Variants in TAT observed in about 807,000 individuals in gnomAD.
The protein encoded by TAT is tyrosine aminotransferase.
A neutral mutation model predicts 53.6 loss-of-function variants in TAT; 35 were observed. That is an observed-to-expected ratio of 0.65 (90% CI 0.50 to 0.87). The LOEUF (loss-of-function observed/expected upper bound fraction) is 0.87, where lower values mean the gene tolerates loss of function less well. TAT is among the 40% of genes least tolerant of loss of function. The probability of loss-of-function intolerance (pLI) is 0.00; values close to 1 mark genes in which losing one functional copy is unlikely to be tolerated. For synonymous variants in TAT, 197 were observed against 206.5 expected (o/e 0.95, Z 0.39); for missense variants, 525 against 571.8 (o/e 0.92, Z 0.83).
intron 10 of TAT, among the ~76,000 whole-genome samples, chr16:71,569,355 C>A (rs920981780): frequency 6.8e-6 from 1 of 146,878 alleles, no homozygotes; most frequent in African/African-American, 2.5e-5. Context: ...TTTTTCTTTT[C>A]GGATGGGGTC....
intron 8 of TAT, 120 bp downstream of exon 8, chr16:71,570,559 C>T: frequency 6.4e-7 from 1 of 1,567,874 alleles, no homozygotes; most frequent in Non-Finnish European, 8.7e-7. Flanking sequence ...CCAGCTCTGC[C>T]ACACACATGC....
At chr16:71,568,384 C>A (rs1305385216) in intron 11 of TAT, 100 bp from the exon 12 acceptor site, 6 of 1,138,288 alleles carry the variant, frequency 5.3e-6, no homozygotes, top group Non-Finnish European at 7.7e-6. Flanking sequence ...GGTACCATTT[C>A]ATCAGGGCCA....
In TAT at chr16:71,575,909, A is replaced by G. The variant is rs776443788; in HGVS notation, c.340+13T>C. 1.2e-5 allele frequency: 19 copies of G among 1,612,928 alleles called. No homozygotes were observed. In the South Asian group the frequency reaches 2.1e-4, roughly 18 times the overall value. ...TGGCAGTCACCAGGTATGGAGTCTC[A>G]GGAGGAGCTTACCGATGGATGGGGC... On this transcript the variant is annotated intron_variant, in intron 3 of 11. Coordinates refer to ENST00000355962, the MANE Select transcript of TAT (RefSeq NM_000353.3).
chr16:71,571,977 G>A lies in TAT; in HGVS notation c.706+209C>T, dbSNP rs2044206317. On this transcript the variant is annotated intron_variant, in intron 6 of 11. Transcript: ENST00000355962. ...GCAAGTACTATTTCTTTTTCTCCTG[G>A]GAGTGATGAAGAGACAAGTATTTCT... The A allele has an allele frequency of 6.1e-6, 4 of 655,502 alleles. No individual in the cohort carries two copies. In the Admixed American group the frequency reaches 1.1e-4, roughly 18 times the overall value. 40.6% of individuals were successfully genotyped at this position (655,502 alleles called of 1,614,324 possible).
At chr16:71,571,574 T>G in intron 7 of TAT, 32 bp downstream of exon 7, 1 of 1,588,532 alleles carries the variant, frequency 6.3e-7, no homozygotes, top group Non-Finnish European at 8.6e-7. Context: ...AATTTGAGAT[T>G]ACTGTAGTGA....
At position 71,566,852 on chromosome 16, in the gene TAT, C is replaced by A; in HGVS notation, c.*1292G>T. 2 of 147,900 alleles carry A rather than the reference C, an allele frequency of 1.4e-5. No homozygotes were observed. Among genetic ancestry groups the A allele is most frequent in the African/African-American group, 5.0e-5 (2 of 39,962 alleles). The allele number at this position is 147,900 out of a possible 1,614,324, so 9.2% of individuals were successfully genotyped here. On this transcript the variant is annotated 3_prime_UTR_variant, in exon 12 of 12. Coordinates refer to ENST00000355962, the MANE Select transcript of TAT (RefSeq NM_000353.3). ...AAAAACACATCACAGAAGAGCCATA[C>A]TTGGTGAAATTTATTAAAAAAAAAA... is the stretch of plus-strand genomic sequence containing the variant.
intron 3 of TAT, chr16:71,575,232 T>A (rs2044227330): frequency 1.3e-5 from 2 of 152,346 alleles, no homozygotes; most frequent in Non-Finnish European, 2.9e-5. Flanking sequence ...GCATTAAGAA[T>A]GTGTTTCTAT....
chr16:71,570,256 G>C lies in TAT; in HGVS notation c.1041+13C>G, dbSNP rs1261948067. On this transcript the variant is annotated intron_variant, in intron 9 of 11. Coordinates refer to ENST00000355962, the MANE Select transcript of TAT (RefSeq NM_000353.3). ...CCCAAACTCCCAAAGTGGAGGGCAG[G>C]AGCTGCCCTTACCTTGAGGAAGCTC... The C allele has an allele frequency of 6.2e-7, 1 of 1,614,042 alleles. No individual in the cohort carries two copies. The highest frequency in any genetic ancestry group is 1.7e-5 in the Admixed American group (1 of 60,000).
At chr16:71,569,087 G>A (rs1242237952) in intron 10 of TAT, among the ~76,000 whole-genome samples, 1 of 152,040 alleles carries the variant, frequency 6.6e-6, no homozygotes, top group Non-Finnish European at 1.5e-5. Flanking sequence ...CTGGCATTAG[G>A]GCCAGGCAAC....
chr16:71,575,744 T>C (rs2044230485), intron 3 of TAT, 178 bp downstream of exon 3: 1 of 686,908 alleles, frequency 1.5e-6, no homozygotes, highest in Non-Finnish European at 2.6e-6. Flanking sequence ...TGGACCTTGA[T>C]GCCTTGTATT....
At chr16:71,568,443 T>C in intron 11 of TAT, 159 bp from the exon 12 acceptor site, 1 of 725,654 alleles carries the variant, frequency 1.4e-6, no homozygotes, top group Non-Finnish European at 2.3e-6. Flanking sequence ...GCAACTGAGT[T>C]CATTCATCTT....
rs771786638 is a variant in TAT, at chr16:71,570,764, C to T, written c.827G>A (p.Gly276Glu). 2.5e-6 allele frequency: 4 copies of T among 1,614,206 alleles called. No homozygotes were observed. The highest frequency in any genetic ancestry group is 3.4e-6 in the Non-Finnish European group (4 of 1,180,042). ...AACCAGCCAGCGCTTGGCCAGCCCTCCACAGGACAGGATGGGGACATCGGT... is the reference window on the plus strand; with the variant it reads ...AACCAGCCAGCGCTTGGCCAGCCCTTCACAGGACAGGATGGGGACATCGGT... The part of the protein sequence containing the change: ...LSTDVPILSC[G>E]GLAKRWLVPG... The change falls in exon 8 of 12, where the codon GGA becomes GAA. Residue 276 changes from glycine (G) to glutamate (E), a missense_variant. By Grantham distance (98) the Gly-to-Glu change is moderately conservative (BLOSUM62 -2). Coordinates refer to ENST00000355962, the MANE Select transcript of TAT (RefSeq NM_000353.3).
chr16:71,568,017 C>G lies in TAT; in HGVS notation c.*127G>C, dbSNP rs2044176032. 8.8e-7 allele frequency: 1 copy of G among 1,141,288 alleles called. No individual in the cohort carries two copies. The highest frequency in any genetic ancestry group is 1.3e-6 in the Non-Finnish European group (1 of 765,716). 70.7% of individuals were successfully genotyped at this position (1,141,288 alleles called of 1,614,324 possible). ...GTACTTGGGGAAAAGCAGGAACAATCTTGAACCCTTGACATGGTGCATTTG... is the reference window on the plus strand; with the variant it reads ...GTACTTGGGGAAAAGCAGGAACAATGTTGAACCCTTGACATGGTGCATTTG... On this transcript the variant is annotated 3_prime_UTR_variant, in exon 12 of 12. Transcript: ENST00000355962.
At chr16:71,576,466 T>C (rs2044236173) in intron 1 of TAT, 39 bp from the exon 2 acceptor site, 2 of 1,558,186 alleles carry the variant, frequency 1.3e-6, no homozygotes, top group Non-Finnish European at 1.8e-6. Flanking sequence ...GTTGATAACA[T>C]AGCGCTGGGG....
chr16:71,574,770 A>C (rs964467784), intron 3 of TAT, among the ~76,000 whole-genome samples: 1 of 152,060 alleles, frequency 6.6e-6, no homozygotes, highest in Admixed American at 6.6e-5. Context: ...TTTCATGCCC[A>C]TCATAATATT....
rs74344827 is a variant in TAT at position 71,576,373 on chromosome 16, G to A, written c.43C>T (p.Pro15Ser). 258,839 of 1,613,932 alleles carry A rather than the reference G, an allele frequency of 0.16. 21,610 individuals carry two copies. The highest frequency in any genetic ancestry group is 0.19 in the African/African-American group (14,051 of 74,940). ...TTGACATGCACGTCCAGAATTGAGG[G>A]GAGGTTGCCTTTGCTGCTCATCTGA... ...MIQMSSKGNL[P>S]SILDVHVNVG... Residue 15 changes from proline (P) to serine (S), a missense_variant, in exon 2 of 12, where the codon CCC (proline) becomes TCC (serine). By Grantham distance (74) the Pro-to-Ser change is moderately conservative (BLOSUM62 -1). Coordinates refer to ENST00000355962, the MANE Select transcript of TAT (RefSeq NM_000353.3).
At chr16:71,572,374 G>A in intron 5 of TAT, 50 bp from the exon 6 acceptor site, 1 of 1,612,880 alleles carries the variant, frequency 6.2e-7, no homozygotes, top group East Asian at 2.2e-5. Context: ...ACATTTAGGG[G>A]GAATCCTCAC....
chr16:71,570,686 C>T lies in TAT; in HGVS notation c.905G>A (p.Gly302Asp). ...ILIHDRRDIF[G>D]NEIRDGLVKL... The stretch of plus-strand genomic sequence containing the variant: ...CTTTCACCATATTATCACCTCATTG[C>T]CAAAAATGTCTCTTCGGTCATGAAT... The change falls in exon 8 of 12, where the codon GGC becomes GAC. Residue 302 changes from glycine to aspartate, a missense_variant. By Grantham distance (94) the Gly-to-Asp change is moderately conservative. Transcript: ENST00000355962. 3.1e-6 allele frequency: 5 copies of T among 1,614,144 alleles called. No individual in the cohort carries two copies. Among genetic ancestry groups the T allele is most frequent in the Non-Finnish European group, 4.2e-6 (5 of 1,180,032 alleles).
rs767941301 is a variant in TAT, at chr16:71,576,324, G to A, written c.92C>T (p.Pro31Leu). Residue 31 changes from proline to leucine, a missense_variant, in exon 2 of 12, where the codon CCG becomes CTG. Pro to Leu is a moderately conservative substitution (Grantham distance 98). Transcript: ENST00000355962. Reference sequence around the variant, plus strand: ...GGCCTTTCTGCCTTTCATTTTTCCCGGCACAGAGCTTCTCCCACCAACGTT... The same window carrying A: ...GGCCTTTCTGCCTTTCATTTTTCCCAGCACAGAGCTTCTCCCACCAACGTT... ...HVNVGGRSSV[P>L]GKMKGRKARW... 1.4e-5 allele frequency: 22 copies of A among 1,613,968 alleles called. No individual in the cohort carries two copies. The highest frequency in any genetic ancestry group is 4.4e-5 in the South Asian group (4 of 91,070).
Sources: gnomAD v4.1 joint callset for allele counts (sites outside exome capture counted in the v4.1 genomes callset) on GRCh38, gnomAD v4.1.1 for gene constraint, MANE v1.5 for transcripts, NCBI Gene and HGNC (gene_info 2026-07-23, HGNC 2026-07-21) for gene names.